DRC11: variants seen among roughly 807,000 people sequenced by gnomAD.
The protein encoded by DRC11 is IQ and AAA domain-containing protein 1.
chr2:236,389,417 C>A, the DRC11 span, among the ~76,000 whole-genome samples: 3 of 152,148 alleles, frequency 2.0e-5, no homozygotes, highest in Non-Finnish European at 4.4e-5. Context: ...TGGGAGTGAC[C>A]CAATTTTCCA....
chr2:236,380,544 A>C, the DRC11 span: 1 of 1,543,324 alleles, frequency 6.5e-7, no homozygotes, highest in Non-Finnish European at 8.8e-7. The surrounding 1 kb of genome is among the most constrained non-coding windows in gnomAD (Gnocchi z 4.9). Flanking sequence ...CACGCGCATC[A>C]CAACACAACG....
chr2:236,354,348 T>TGA, the DRC11 span, among the ~76,000 whole-genome samples: 3 of 152,038 alleles, frequency 2.0e-5, no homozygotes, highest in Admixed American at 6.6e-5. Context: ...TGCATGTGTG[T>TGA]GTGTGGGGGG....
the DRC11 span, among the ~76,000 whole-genome samples, chr2:236,394,984 T>TGA: frequency 6.6e-6 from 1 of 152,352 alleles, no homozygotes; most frequent in South Asian, 2.1e-4. The surrounding 1 kb of genome is among the most constrained non-coding windows in gnomAD (Gnocchi z 7.0). Flanking sequence ...TGCAAATTTC[T>TGA]TTCAGAATGG....
At chr2:236,459,650 T>C in the DRC11 span, among the ~76,000 whole-genome samples, 2 of 133,526 alleles carry the variant, frequency 1.5e-5, no homozygotes, top group Admixed American at 7.4e-5. Flanking sequence ...TATACGTATA[T>C]ATGTATATAC....
the DRC11 span, among the ~76,000 whole-genome samples, chr2:236,322,240 T>C: frequency 7.1e-6 from 1 of 141,506 alleles, no homozygotes; most frequent in African/African-American, 2.7e-5. Flanking sequence ...TTTTTTTTTT[T>C]TTTTTTTTTT....
chr2:236,350,849 C>G, the DRC11 span, among the ~76,000 whole-genome samples: 22 of 152,292 alleles, frequency 1.4e-4, 1 homozygote, highest in South Asian at 2.9e-3. This position sits in a 1 kb window ranked among gnomAD's most constrained non-coding sequence, Gnocchi z 5.2. Flanking sequence ...CCTGGGGAAG[C>G]TGAGGGGCCT....
the DRC11 span, among the ~76,000 whole-genome samples, chr2:236,447,723 A>C: frequency 6.6e-6 from 1 of 152,162 alleles, no homozygotes; most frequent in African/African-American, 2.4e-5. This position sits in a 1 kb window ranked among gnomAD's most constrained non-coding sequence, Gnocchi z 4.6. Flanking sequence ...GAAATGAGAG[A>C]GTCCTCACAC....
the DRC11 span, among the ~76,000 whole-genome samples, chr2:236,333,677 G>A: frequency 8.9e-4 from 136 of 152,274 alleles, no homozygotes; most frequent in African/African-American, 3.0e-3. This position sits in a 1 kb window ranked among gnomAD's most constrained non-coding sequence, Gnocchi z 6.0. Flanking sequence ...TGAGGGCCAC[G>A]TGCTCACTGG....
chr2:236,428,128 G>T, the DRC11 span, among the ~76,000 whole-genome samples: 1 of 152,120 alleles, frequency 6.6e-6, no homozygotes, highest in Non-Finnish European at 1.5e-5. Flanking sequence ...TCCTAAATTT[G>T]TTAAGGCTTG....
the DRC11 span, among the ~76,000 whole-genome samples, chr2:236,341,383 G>A: frequency 2.0e-5 from 3 of 152,200 alleles, no homozygotes; most frequent in Admixed American, 1.3e-4. Flanking sequence ...AGAAAGGAGC[G>A]GGCCTGGTCC....
the DRC11 span, among the ~76,000 whole-genome samples, chr2:236,338,614 T>C: frequency 6.6e-6 from 1 of 152,132 alleles, no homozygotes; most frequent in Non-Finnish European, 1.5e-5. Context: ...TGTCCAGATT[T>C]AGAGGGTGGG....
chr2:236,356,985 T>C, the DRC11 span, among the ~76,000 whole-genome samples: 20 of 100,832 alleles, frequency 2.0e-4, 2 homozygotes, highest in East Asian at 6.7e-4. Flanking sequence ...ATTCATATAT[T>C]ATATATCTAT....
At chr2:236,463,820 G>A in the DRC11 span, among the ~76,000 whole-genome samples, 1 of 152,344 alleles carries the variant, frequency 6.6e-6, no homozygotes, top group East Asian at 1.9e-4. The surrounding 1 kb of genome is among the most constrained non-coding windows in gnomAD (Gnocchi z 5.0). Context: ...GGGCGCCTCT[G>A]CTTCAAGGTC....
the DRC11 span, among the ~76,000 whole-genome samples, chr2:236,342,449 C>T: frequency 1.3e-5 from 2 of 152,306 alleles, no homozygotes; most frequent in Non-Finnish European, 2.9e-5. This position sits in a 1 kb window ranked among gnomAD's most constrained non-coding sequence, Gnocchi z 5.8. Context: ...CTCATGGCCA[C>T]CTGGGGCCCT....
chr2:236,356,601 C>T, the DRC11 span, among the ~76,000 whole-genome samples: 2 of 152,120 alleles, frequency 1.3e-5, no homozygotes, highest in Non-Finnish European at 2.9e-5. Flanking sequence ...TCACTTTTCT[C>T]ATCTGTAAAA....
the DRC11 span, among the ~76,000 whole-genome samples, chr2:236,336,247 A>G: frequency 1.4e-4 from 21 of 152,232 alleles, no homozygotes; most frequent in Non-Finnish European, 2.5e-4. The surrounding 1 kb of genome is among the most constrained non-coding windows in gnomAD (Gnocchi z 7.3). Flanking sequence ...TGTTTATAGC[A>G]TGCAGGGAGT....
At chr2:236,348,528 CAG>C in the DRC11 span, among the ~76,000 whole-genome samples, 2 of 150,836 alleles carry the variant, frequency 1.3e-5, no homozygotes, top group Admixed American at 1.3e-4. The surrounding 1 kb of genome is among the most constrained non-coding windows in gnomAD (Gnocchi z 7.4). Flanking sequence ...CCCCTGTGTG[CAG>C]AGTCTCACAG....
the DRC11 span, among the ~76,000 whole-genome samples, chr2:236,339,165 T>A: frequency 6.6e-6 from 1 of 152,250 alleles, no homozygotes; most frequent in African/African-American, 2.4e-5. Flanking sequence ...CGGCTAATGA[T>A]GTTCCTGCGT....
the DRC11 span, among the ~76,000 whole-genome samples, chr2:236,476,855 G>A: frequency 6.6e-6 from 1 of 152,052 alleles, no homozygotes; most frequent in Admixed American, 6.6e-5. The surrounding 1 kb of genome is among the most constrained non-coding windows in gnomAD (Gnocchi z 4.7). Context: ...ACCTAGGTAT[G>A]AAGCCCCACA....
Sources: gnomAD v4.1 joint callset for allele counts (sites outside exome capture counted in the v4.1 genomes callset) on GRCh38, gnomAD v4.1.1 for gene constraint, Gnocchi (gnomAD v3.1) non-coding constraint, MANE v1.5 for transcripts, NCBI Gene and HGNC (gene_info 2026-07-23, HGNC 2026-07-21) for gene names.